The following SYNPR variants were observed in gnomAD, a reference collection of about 807,000 sequenced individuals.
SYNPR encodes synaptoporin.
In SYNPR, 23 loss-of-function variants were observed where a neutral mutation model predicts 32.9. The ratio of observed to expected loss-of-function variants is 0.70; its 90% CI spans 0.50 to 0.99. The LOEUF (loss-of-function observed/expected upper bound fraction) is 0.99, where lower values mean the gene tolerates loss of function less well. SYNPR is among the 50% of genes least tolerant of loss of function. SYNPR has a pLI of 0.00. For synonymous variants in SYNPR, 146 were observed against 135.9 expected (o/e 1.07, Z -0.52); for missense variants, 318 against 349.3 (o/e 0.91, Z 0.71).
intron 4 of SYNPR, among the ~76,000 whole-genome samples, chr3:63,576,329 A>AG (rs920243804): frequency 1.2e-4 from 18 of 152,204 alleles, no homozygotes; most frequent in Admixed American, 2.0e-4. Context: ...AATTTATATG[A>AG]GCACAAGAGA....
At chr3:63,525,515 C>A (rs1346804734) in intron 3 of SYNPR, among the ~76,000 whole-genome samples, 1 of 152,184 alleles carries the variant, frequency 6.6e-6, no homozygotes, top group Non-Finnish European at 1.5e-5. Context: ...CCCTTCCCTG[C>A]TTGTTCTGGT....
At chr3:63,494,406 T>TATATACACAC (rs1291649346) in intron 3 of SYNPR, among the ~76,000 whole-genome samples, 2,699 of 118,576 alleles carry the variant, frequency 0.023, 66 homozygotes, top group East Asian at 0.038. Flanking sequence ...TATATATATA[T>TATATACACAC]ATATATATAT....
intron 2 of SYNPR, among the ~76,000 whole-genome samples, chr3:63,417,007 T>C (rs1051472554): frequency 6.6e-6 from 1 of 151,914 alleles, no homozygotes; most frequent in Non-Finnish European, 1.5e-5. Flanking sequence ...TTCCCAACAG[T>C]CCCCCAAAGG....
intron 3 of SYNPR, among the ~76,000 whole-genome samples, chr3:63,511,663 T>C (rs1310956546): frequency 6.6e-6 from 1 of 152,138 alleles, no homozygotes; most frequent in Admixed American, 6.6e-5. Flanking sequence ...TTTTATCATA[T>C]ATGGCCCCAT....
intron 2 of SYNPR, among the ~76,000 whole-genome samples, chr3:63,333,846 A>T (rs2087256170): frequency 1.3e-5 from 2 of 152,208 alleles, no homozygotes; most frequent in African/African-American, 4.8e-5. Flanking sequence ...CATTTGTATT[A>T]AAATAGGAAA....
chr3:63,547,992 C>A (rs184387616), intron 3 of SYNPR, among the ~76,000 whole-genome samples: 2 of 152,280 alleles, frequency 1.3e-5, no homozygotes, highest in African/African-American at 4.8e-5. Flanking sequence ...TCACCATCAT[C>A]ATTCTAAATA....
chr3:63,219,893 G>T, the SYNPR span, among the ~76,000 whole-genome samples: 1 of 152,060 alleles, frequency 6.6e-6, no homozygotes, highest in Non-Finnish European at 1.5e-5. Context: ...GGCACACTTG[G>T]TATAAATTTT....
chr3:63,588,026 T>A (rs1056962477), intron 4 of SYNPR, among the ~76,000 whole-genome samples: 4 of 152,096 alleles, frequency 2.6e-5, no homozygotes, highest in Admixed American at 2.0e-4. Flanking sequence ...TTAGAAAAAT[T>A]TAAAAATTAC....
chr3:63,479,446 G>GCGCGCGCACACACACACA (rs6147854), intron 2 of SYNPR, among the ~76,000 whole-genome samples: 2,303 of 135,796 alleles, frequency 0.017, 29 homozygotes, highest in South Asian at 0.048. Flanking sequence ...CCACACACAT[G>GCGCGCGCACACACACACA]CACACACACA....
intron 3 of SYNPR, among the ~76,000 whole-genome samples, chr3:63,497,212 G>A (rs1457934336): frequency 3.9e-5 from 6 of 152,102 alleles, no homozygotes; most frequent in South Asian, 2.1e-4. Flanking sequence ...CAGTGTGAGC[G>A]AACATTTTGA....
At chr3:63,217,975 T>A in the SYNPR span, among the ~76,000 whole-genome samples, 1 of 152,168 alleles carries the variant, frequency 6.6e-6, no homozygotes, top group Non-Finnish European at 1.5e-5. Context: ...ACAACACTTA[T>A]TGACTACTGT....
At chr3:63,485,215 TA>T (rs1193549491) in intron 3 of SYNPR, among the ~76,000 whole-genome samples, 1 of 151,716 alleles carries the variant, frequency 6.6e-6, no homozygotes, top group African/African-American at 2.4e-5. Flanking sequence ...CCTGTTCTTG[TA>T]AAAAAATGAA....
At chr3:63,295,781 G>A (rs540264880) in intron 2 of SYNPR, among the ~76,000 whole-genome samples, 14 of 152,318 alleles carry the variant, frequency 9.2e-5, no homozygotes, top group Admixed American at 8.5e-4. Context: ...CAAATGATGG[G>A]AAATACTTAG....
intron 4 of SYNPR, among the ~76,000 whole-genome samples, chr3:63,581,871 T>C (rs919090105): frequency 1.6e-4 from 24 of 152,152 alleles, no homozygotes; most frequent in Non-Finnish European, 2.9e-5. Context: ...TAAAAGGTTA[T>C]TGTGATTTCA....
the SYNPR span, among the ~76,000 whole-genome samples, chr3:63,218,850 C>T: frequency 0.79 from 119,786 of 152,168 alleles, 47,683 homozygotes; most frequent in Middle Eastern, 0.87. Context: ...TGCGGCTAAA[C>T]AAGTGTGAGT....
intron 2 of SYNPR, among the ~76,000 whole-genome samples, chr3:63,389,647 G>A (rs73110810): frequency 6.6e-6 from 1 of 152,216 alleles, no homozygotes; most frequent in Non-Finnish European, 1.5e-5. Flanking sequence ...TTGTAACCAC[G>A]AAGATTGAAA....
chr3:63,576,564 G>A (rs1702983075), intron 4 of SYNPR, among the ~76,000 whole-genome samples: 1 of 152,068 alleles, frequency 6.6e-6, no homozygotes, highest in Non-Finnish European at 1.5e-5. Flanking sequence ...GGCTGAGGCA[G>A]GCGGATCACG....
At chr3:63,383,736 C>G (rs985233719) in intron 2 of SYNPR, among the ~76,000 whole-genome samples, 1 of 152,128 alleles carries the variant, frequency 6.6e-6, no homozygotes, top group African/African-American at 2.4e-5. Context: ...AAATAGCACT[C>G]CTCTCTATGA....
At chr3:63,236,973 T>C (rs535592470) in intron 1 of SYNPR, among the ~76,000 whole-genome samples, 26 of 152,288 alleles carry the variant, frequency 1.7e-4, no homozygotes, top group African/African-American at 5.8e-4. Context: ...TGCTTCACCA[T>C]AAGTATGATG....
Sources: allele counts gnomAD v4.1 joint callset (sites outside exome capture counted in the v4.1 genomes callset), GRCh38; gene constraint gnomAD v4.1.1; transcripts MANE v1.5; gene names NCBI Gene and HGNC (gene_info 2026-07-23, HGNC 2026-07-21).